SMC6: variants seen among roughly 807,000 people sequenced by gnomAD.
SMC6 encodes structural maintenance of chromosomes protein 6.
SMC6 carries 79 observed loss-of-function variants against 142.2 expected under a neutral mutation model. The ratio of observed to expected loss-of-function variants is 0.56; its 90% CI spans 0.46 to 0.67. The LOEUF (loss-of-function observed/expected upper bound fraction) is 0.67, where lower values mean the gene tolerates loss of function less well. Among genes scored for constraint, SMC6 ranks in the 30% least tolerant of loss-of-function variants. The pLI is 0.00. For missense variants in SMC6, 1,072 were observed against 1,284.0 expected, an observed-to-expected ratio of 0.83 and a Z score of 2.52; for synonymous variants, 411 against 412.4, an observed-to-expected ratio of 1.00 and a Z score of 0.04.
chr2:17,683,594 C>T (rs775042201), intron 24 of SMC6, 44 bp downstream of exon 24: 2 of 1,503,152 alleles, frequency 1.3e-6, no homozygotes, highest in Admixed American at 2.1e-5. Flanking sequence ...AACAGAGAAA[C>T]ACAAAAATGT....
At chr2:17,697,220 C>G (rs1442747635) in intron 21 of SMC6, among the ~76,000 whole-genome samples, 1 of 151,328 alleles carries the variant, frequency 6.6e-6, no homozygotes, top group Non-Finnish European at 1.5e-5. Context: ...GTTGGAGGTT[C>G]TGGATAGTTC....
intron 11 of SMC6, among the ~76,000 whole-genome samples, chr2:17,720,185 T>C (rs551258102): frequency 2.0e-5 from 3 of 152,320 alleles, no homozygotes; most frequent in African/African-American, 7.2e-5. Flanking sequence ...ATATGAATGA[T>C]ATCTCAATAA....
chr2:17,686,716 G>T (rs1011005318), intron 23 of SMC6, among the ~76,000 whole-genome samples: 2 of 152,034 alleles, frequency 1.3e-5, no homozygotes, highest in Admixed American at 1.3e-4. Context: ...TACATACATG[G>T]ATATGTATGT....
chr2:17,740,860 A>AC (rs1422223029), intron 4 of SMC6: 9 of 229,756 alleles, frequency 3.9e-5, no homozygotes, highest in African/African-American at 2.5e-4. Context: ...AAAAAAACAA[A>AC]AAACAAAAAA....
chr2:17,741,502 T>C, intron 4 of SMC6, 110 bp downstream of exon 4: 1 of 646,130 alleles, frequency 1.5e-6, no homozygotes, highest in Non-Finnish European at 2.7e-6. Context: ...AAGTTATACA[T>C]CTATAGAAAA....
At chr2:17,705,150 C>T (rs879426556) in intron 18 of SMC6, among the ~76,000 whole-genome samples, 6 of 151,766 alleles carry the variant, frequency 4.0e-5, no homozygotes, top group Non-Finnish European at 5.9e-5. Context: ...CCCAGCTTCT[C>T]GGGAGGCTGA....
intron 18 of SMC6, among the ~76,000 whole-genome samples, chr2:17,704,429 TA>T (rs1668409391): frequency 1.3e-5 from 2 of 152,154 alleles, no homozygotes; most frequent in African/African-American, 4.8e-5. Flanking sequence ...TCCAAATTCA[TA>T]AAAATGAGTC....
intron 25 of SMC6, among the ~76,000 whole-genome samples, chr2:17,678,606 GA>G (rs544540923): frequency 0.022 from 2,767 of 124,324 alleles, 59 homozygotes; most frequent in Non-Finnish European, 0.027. Context: ...TGTCTATACG[GA>G]AAAAAAAAAA....
chr2:17,665,466 T>C lies in SMC6; in HGVS notation c.*33A>G. The C allele has an allele frequency of 6.8e-7, 1 of 1,479,052 alleles. No homozygotes were observed. Among genetic ancestry groups the C allele is most frequent in the Non-Finnish European group, 9.3e-7 (1 of 1,080,344 alleles). The allele number at this position is 1,479,052 out of a possible 1,614,324, so 91.6% of individuals were successfully genotyped here. On this transcript the variant is annotated 3_prime_UTR_variant, in exon 28 of 28. Coordinates refer to ENST00000448223, the MANE Select transcript of SMC6 (RefSeq NM_001142286.2). ...AATTTTTTTTCCCTTCACAAATCCT[T>C]CAACATCAGGACAAGGCATGTTAAG...
At chr2:17,708,315 T>C (rs556062067) in intron 17 of SMC6, among the ~76,000 whole-genome samples, 7 of 151,946 alleles carry the variant, frequency 4.6e-5, no homozygotes, top group Non-Finnish European at 7.4e-5. Flanking sequence ...AATACAGATA[T>C]CTGTAAGGGC....
Position 17,714,843 on chromosome 2 carries a change from C to G in SMC6, c.1730+18G>C, listed in dbSNP as rs1455307106. The G allele has an allele frequency of 1.2e-6, 2 of 1,607,038 alleles. No individual in the cohort carries two copies. Among genetic ancestry groups the G allele is most frequent in the Non-Finnish European group, 8.5e-7 (1 of 1,177,556 alleles). On this transcript the variant is annotated intron_variant, in intron 16 of 27. Coordinates refer to ENST00000448223, the MANE Select transcript of SMC6 (RefSeq NM_001142286.2). ...GATTAAGCAAAGCCAGAAACATATT[C>G]AATTACTAATGCCTTACCTGTGTCT...
chr2:17,744,430 T>C (rs1451545502), intron 3 of SMC6, among the ~76,000 whole-genome samples: 2 of 152,236 alleles, frequency 1.3e-5, no homozygotes, highest in Non-Finnish European at 2.9e-5. Context: ...ATAACTTTGC[T>C]GAATGTATTT....
At chr2:17,675,642 A>G (rs1174027085) in intron 25 of SMC6, among the ~76,000 whole-genome samples, 1 of 152,114 alleles carries the variant, frequency 6.6e-6, no homozygotes, top group Non-Finnish European at 1.5e-5. Flanking sequence ...ATCAGTTTTT[A>G]AAACCAATTC....
chr2:17,738,957 C>T (rs192885659), intron 4 of SMC6, among the ~76,000 whole-genome samples: 7 of 152,184 alleles, frequency 4.6e-5, no homozygotes, highest in Admixed American at 4.6e-4. Context: ...CCAGAAACCA[C>T]TGTTAACATC....
chr2:17,753,035 T>G lies in SMC6; in HGVS notation c.-63A>C. The G allele has an allele frequency of 1.0e-6, 1 of 984,956 alleles. No individual in the cohort carries two copies. The highest frequency in any genetic ancestry group is 1.7e-5 in the African/African-American group (1 of 57,346). The allele number at this position is 984,956 out of a possible 1,614,324, so 61.0% of individuals were successfully genotyped here. A position where few individuals can be genotyped will look rare whatever the true frequency, so the allele number is the denominator to read the frequency against. On this transcript the variant is annotated 5_prime_UTR_variant, in exon 2 of 28. Transcript: ENST00000448223. ...ACCCTAGAGTCCTGTTTTCCGCAAT[T>G]CCCAATTGGGATTCTTCTCCGGTTC... is the stretch of plus-strand genomic sequence containing the variant.
chr2:17,708,402 G>A (rs944929718), intron 17 of SMC6, among the ~76,000 whole-genome samples: 3 of 152,036 alleles, frequency 2.0e-5, no homozygotes, highest in African/African-American at 7.2e-5. Context: ...AGAATAATAT[G>A]CATTTGTGAA....
intron 12 of SMC6, among the ~76,000 whole-genome samples, chr2:17,717,441 G>A (rs1019082519): frequency 6.6e-6 from 1 of 152,086 alleles, no homozygotes; most frequent in African/African-American, 2.4e-5. Flanking sequence ...GGAGGCCAAG[G>A]TGGGCGGATC....
chr2:17,747,311 C>T (rs1670802179), intron 2 of SMC6, among the ~76,000 whole-genome samples: 1 of 152,142 alleles, frequency 6.6e-6, no homozygotes, highest in Non-Finnish European at 1.5e-5. Flanking sequence ...GCCACCCTAG[C>T]CTAGCAGTTG....
chr2:17,712,784 T>C (rs1668893463), intron 16 of SMC6, among the ~76,000 whole-genome samples: 1 of 152,178 alleles, frequency 6.6e-6, no homozygotes, highest in Admixed American at 6.5e-5. Context: ...CAGAAAAAAA[T>C]CACCCCTTCA....
Sources: allele counts gnomAD v4.1 joint callset (sites outside exome capture counted in the v4.1 genomes callset), GRCh38; gene constraint gnomAD v4.1.1; transcripts MANE v1.5; gene names NCBI Gene and HGNC (gene_info 2026-07-23, HGNC 2026-07-21).